The following KCNG3 variants were observed in gnomAD, a reference collection of about 807,000 sequenced individuals.
KCNG3 encodes potassium voltage-gated channel modifier subfamily G member 3, also known as voltage-gated potassium channel regulatory subunit KCNG3.
In KCNG3, 15 loss-of-function variants were observed where a neutral mutation model predicts 29.0. That is an observed-to-expected ratio of 0.52 (90% CI 0.35 to 0.80). KCNG3 has a LOEUF of 0.80. KCNG3 is among the 30% of genes least tolerant of loss of function. The pLI, the probability that KCNG3 is intolerant of heterozygous loss-of-function variation, is 0.01. For synonymous variants in KCNG3, 322 were observed against 248.9 expected, an observed-to-expected ratio of 1.29 and a Z score of -2.76; for missense variants, 512 against 605.7, an observed-to-expected ratio of 0.85 and a Z score of 1.62.
chr2:42,416,440 G>C, the KCNG3 span, among the ~76,000 whole-genome samples: 1 of 151,960 alleles, frequency 6.6e-6, no homozygotes, highest in Admixed American at 6.6e-5. Flanking sequence ...AACAAGATGC[G>C]GTCTAAAACA....
At chr2:42,475,626 G>A (rs1475463429) in intron 1 of KCNG3, among the ~76,000 whole-genome samples, 6 of 149,282 alleles carry the variant, frequency 4.0e-5, no homozygotes, top group South Asian at 2.1e-4. Context: ...TGCTGCGCCC[G>A]GTCTGAGACT....
the KCNG3 span, among the ~76,000 whole-genome samples, chr2:42,401,018 T>C: frequency 6.6e-6 from 1 of 150,582 alleles, no homozygotes; most frequent in Non-Finnish European, 1.5e-5. Context: ...ATTAAATGTA[T>C]TGTTTTCTCA....
At chr2:42,425,261 C>T in the KCNG3 span, among the ~76,000 whole-genome samples, 2 of 149,932 alleles carry the variant, frequency 1.3e-5, no homozygotes, top group African/African-American at 2.4e-5. Flanking sequence ...ATTAGCGGGG[C>T]GTGGTGGCGC....
chr2:42,408,618 C>G, the KCNG3 span, among the ~76,000 whole-genome samples: 3 of 152,122 alleles, frequency 2.0e-5, no homozygotes, highest in East Asian at 1.9e-4. Flanking sequence ...GGAGCTGCCC[C>G]CTGTGGTAGA....
chr2:42,441,291 G>C (rs1290140665), downstream of KCNG3, among the ~76,000 whole-genome samples: 1 of 152,028 alleles, frequency 6.6e-6, no homozygotes, highest in East Asian at 1.9e-4. Flanking sequence ...GGGAGGCTGG[G>C]GTGGGAGGAC....
chr2:42,390,894 T>G, the KCNG3 span, among the ~76,000 whole-genome samples: 1 of 152,200 alleles, frequency 6.6e-6, no homozygotes, highest in Non-Finnish European at 1.5e-5. Context: ...CAATTTGGAC[T>G]CTTTTCAGCA....
chr2:42,427,251 AGGT>A, the KCNG3 span, among the ~76,000 whole-genome samples: 1 of 152,200 alleles, frequency 6.6e-6, no homozygotes, highest in Non-Finnish European at 1.5e-5. Context: ...AGGGATAGTG[AGGT>A]GGTTAGTTTA....
At position 42,443,020 on chromosome 2, in the gene KCNG3, C is replaced by T. The variant is rs1167062010; in HGVS notation, c.*914G>A. 6 of 152,160 alleles carry T rather than the reference C, an allele frequency of 3.9e-5. No individual in the cohort carries two copies. Among genetic ancestry groups the T allele is most frequent in the African/African-American group, 7.2e-5 (3 of 41,420 alleles). The allele number at this position is 152,160 out of a possible 1,614,324, so 9.4% of individuals were successfully genotyped here. A position where few individuals can be genotyped will look rare whatever the true frequency, so the allele number is the denominator to read the frequency against. ...AAAGGCTATATAAATATCCTTTCAT[C>T]TGATAAGTCTTATTAAACCTCTAGT... On this transcript the variant is annotated 3_prime_UTR_variant, in exon 2 of 2. Coordinates refer to ENST00000306078, the MANE Select transcript of KCNG3 (RefSeq NM_133329.6).
At chr2:42,488,684 G>A (rs951517552) in intron 1 of KCNG3, among the ~76,000 whole-genome samples, 3 of 151,826 alleles carry the variant, frequency 2.0e-5, no homozygotes, top group Non-Finnish European at 2.9e-5. Context: ...TGAGTAGCTG[G>A]GATTGCAGTC....
At chr2:42,477,174 A>G (rs992709783) in intron 1 of KCNG3, among the ~76,000 whole-genome samples, 11 of 148,062 alleles carry the variant, frequency 7.4e-5, no homozygotes, top group Middle Eastern at 3.4e-3. Flanking sequence ...CCTGAGCGAC[A>G]GAGCAAGACT....
At chr2:42,394,917 G>C in the KCNG3 span, among the ~76,000 whole-genome samples, 1 of 152,304 alleles carries the variant, frequency 6.6e-6, no homozygotes, top group East Asian at 1.9e-4. Flanking sequence ...GACCACTCCA[G>C]AAACTCCAAA....
chr2:42,481,822 T>A (rs563732406), intron 1 of KCNG3, among the ~76,000 whole-genome samples: 69 of 152,120 alleles, frequency 4.5e-4, no homozygotes, highest in Non-Finnish European at 9.3e-4. Flanking sequence ...GCCTCCTGCA[T>A]CCCTCCAGGA....
the KCNG3 span, among the ~76,000 whole-genome samples, chr2:42,410,720 T>C: frequency 2.0e-5 from 3 of 152,136 alleles, no homozygotes; most frequent in African/African-American, 4.8e-5. Context: ...TTTAAGCTTT[T>C]ATATAAATTA....
At chr2:42,477,046 G>A (rs1039607150) in intron 1 of KCNG3, among the ~76,000 whole-genome samples, 2 of 150,338 alleles carry the variant, frequency 1.3e-5, no homozygotes, top group Admixed American at 6.6e-5. Context: ...AAAAAAATTA[G>A]CCGGGCGTGG....
At position 42,487,849 on chromosome 2, in the gene KCNG3, C is replaced by T. The variant is rs114504233; in HGVS notation, c.665+4988G>A. On this transcript the variant is annotated intron_variant, in intron 1 of 1. Coordinates refer to ENST00000306078, the MANE Select transcript of KCNG3 (RefSeq NM_133329.6). Reference sequence around the variant, plus strand: ...TGCAGCGTTTACTACAGACAAGAAACGACATAAATGTATAGTGACTATGGG... The same window carrying T: ...TGCAGCGTTTACTACAGACAAGAAATGACATAAATGTATAGTGACTATGGG... 2.0e-4 allele frequency among the ~76,000 whole-genome samples: 31 copies of T among 152,120 alleles called. No homozygotes were observed. In the South Asian group the frequency reaches 6.4e-3, roughly 32 times the overall value.
intron 1 of KCNG3, among the ~76,000 whole-genome samples, chr2:42,446,662 G>A (rs1672605158): frequency 6.6e-6 from 1 of 152,214 alleles, no homozygotes; most frequent in South Asian, 2.1e-4. Context: ...TACTCAAAGT[G>A]CATTCCACAG....
At chr2:42,488,147 G>A (rs1295416211) in intron 1 of KCNG3, among the ~76,000 whole-genome samples, 1 of 152,164 alleles carries the variant, frequency 6.6e-6, no homozygotes, top group African/African-American at 2.4e-5. Context: ...GTAGCTTTTA[G>A]ATTTTGAACC....
chr2:42,427,451 C>T, the KCNG3 span, among the ~76,000 whole-genome samples: 1 of 151,442 alleles, frequency 6.6e-6, no homozygotes, highest in Non-Finnish European at 1.5e-5. Flanking sequence ...TTAAAAAATG[C>T]AAAAATTAGC....
intron 1 of KCNG3, among the ~76,000 whole-genome samples, chr2:42,477,890 A>G (rs962789624): frequency 2.5e-4 from 10 of 39,988 alleles, no homozygotes; most frequent in African/African-American, 8.0e-4. Context: ...AAAAATATAT[A>G]TATATTTTTT....
Sources: allele counts gnomAD v4.1 joint callset (sites outside exome capture counted in the v4.1 genomes callset), GRCh38; gene constraint gnomAD v4.1.1; transcripts MANE v1.5; gene names NCBI Gene and HGNC (gene_info 2026-07-23, HGNC 2026-07-21).